The following PITPNA variants were observed in gnomAD, a reference collection of about 807,000 sequenced individuals.
PITPNA encodes the protein phosphatidylinositol transfer protein alpha isoform.
PITPNA carries 13 observed loss-of-function variants against 50.3 expected under a neutral mutation model. That is an observed-to-expected ratio of 0.26 (90% confidence interval 0.17 to 0.41). PITPNA has a LOEUF of 0.41. PITPNA is among the 10% of genes least tolerant of loss of function. The pLI is 1.00. For synonymous variants in PITPNA, 120 were observed against 119.6 expected (o/e 1.00, Z -0.02); for missense variants, 207 against 333.4 (o/e 0.62, Z 2.95).
Position 1,543,722 on chromosome 17 carries a change from C to A in PITPNA, c.290-695G>T, listed in dbSNP as rs2075659566. On this transcript the variant is annotated intron_variant, in intron 4 of 11. Transcript: ENST00000313486. ...AACTCCAGAACTGAAGTTAAGGTGA[C>A]CCCGGAGCACAAAATGAGGCAAAGT... Among the ~76,000 whole-genome samples, 2 of 152,074 alleles carry A rather than the reference C, an allele frequency of 1.3e-5. 1 individual carries two copies. Among genetic ancestry groups the A allele is most frequent in the South Asian group, 4.1e-4 (2 of 4,824 alleles).
intron 7 of PITPNA, chr17:1,535,776 C>T (rs1287394340): frequency 2.0e-6 from 1 of 497,944 alleles, no homozygotes; most frequent in East Asian, 3.7e-5. Flanking sequence ...TGAGCAGGCA[C>T]ATATTTACCG....
At chr17:1,540,652 G>A (rs2075643693) in intron 6 of PITPNA, among the ~76,000 whole-genome samples, 1 of 151,230 alleles carries the variant, frequency 6.6e-6, no homozygotes, top group East Asian at 1.9e-4. Context: ...ACAGTGGCGT[G>A]ATCTCGGCTC....
At chr17:1,535,815 G>T in intron 7 of PITPNA, 2 of 384,252 alleles carry the variant, frequency 5.2e-6, no homozygotes, top group Non-Finnish European at 9.5e-6. Flanking sequence ...TCAACCTGGG[G>T]TGAGCATCCA....
chr17:1,541,582 A>C lies in PITPNA; in HGVS notation c.356T>G (p.Leu119Arg). 6.2e-7 allele frequency: 1 copy of C among 1,613,264 alleles called. No homozygotes were observed. Among genetic ancestry groups the C allele is most frequent in the Non-Finnish European group, 8.5e-7 (1 of 1,179,224 alleles). The change falls in exon 6 of 12, where the codon CTT becomes CGT. Residue 119 changes from leucine (L) to arginine (R), a missense_variant. Transcript: ENST00000313486. ...ACTACTCACATTCTCCTGCGTGCCA[A>C]GATCTGGTTTGTGCCAGGTTTCAAT... ...IKIETWHKPDLGTQENVHKLE... is the reference protein window; with the variant it reads ...IKIETWHKPDRGTQENVHKLE...
At chr17:1,524,170 G>A (rs1306249831) in intron 10 of PITPNA, among the ~76,000 whole-genome samples, 3 of 150,162 alleles carry the variant, frequency 2.0e-5, no homozygotes, top group African/African-American at 4.9e-5. Flanking sequence ...TCAGCCTCCC[G>A]AGTAGCTGAG....
At chr17:1,554,674 C>T (rs2075726639) in intron 2 of PITPNA, among the ~76,000 whole-genome samples, 1 of 152,084 alleles carries the variant, frequency 6.6e-6, no homozygotes, top group African/African-American at 2.4e-5. Flanking sequence ...ACCTGCTCTA[C>T]CAGGCAGCTT....
intron 11 of PITPNA, 58 bp downstream of exon 11, chr17:1,521,521 T>C: frequency 7.7e-7 from 1 of 1,297,914 alleles, no homozygotes; most frequent in Non-Finnish European, 1.1e-6. Context: ...GCTGAGGCCT[T>C]GAAACCCAAA....
chr17:1,542,330 A>C (rs922973474), intron 5 of PITPNA, among the ~76,000 whole-genome samples: 2 of 152,158 alleles, frequency 1.3e-5, no homozygotes, highest in African/African-American at 4.8e-5. Flanking sequence ...AAGACTTCCT[A>C]ACCCATCGAA....
rs1055331486 is a variant in PITPNA at position 1,518,179 on chromosome 17, G to C, written c.*2382C>G. 2.6e-5 allele frequency: 4 copies of C among 152,434 alleles called. No individual in the cohort carries two copies. Among genetic ancestry groups the C allele is most frequent in the Non-Finnish European group, 5.9e-5 (4 of 68,034 alleles). 9.4% of individuals were successfully genotyped at this position (152,434 alleles called of 1,614,324 possible). On this transcript the variant is annotated 3_prime_UTR_variant, in exon 12 of 12. Transcript: ENST00000313486. Reference sequence around the variant, plus strand: ...GGGAGTCCCAGCAGGGACTGTAAAAGAACTTGGGAAGCTATACACATGCCC... The same window carrying C: ...GGGAGTCCCAGCAGGGACTGTAAAACAACTTGGGAAGCTATACACATGCCC...
At chr17:1,530,394 CATAGTTCCAGAA>C (rs2075574118) in intron 10 of PITPNA, among the ~76,000 whole-genome samples, 1 of 152,160 alleles carries the variant, frequency 6.6e-6, no homozygotes, top group South Asian at 2.1e-4. Flanking sequence ...CCTACAGGCA[CATAGTTCCAGAA>C]ATTTTTTCTT....
chr17:1,534,351 C>A, intron 9 of PITPNA, 130 bp from the exon 10 acceptor site: 1 of 1,105,488 alleles, frequency 9.0e-7, no homozygotes, highest in Non-Finnish European at 1.3e-6. Context: ...GAGTAATGCC[C>A]GGCTGGTTAT....
At position 1,554,819 on chromosome 17, in the gene PITPNA, G is replaced by A. The variant is rs183840241; in HGVS notation, c.52-1670C>T. ...ATCCCAGAACAAAATGCCATGAAAA[G>A]GGGCAGCAATCGAGGCTCAGTGAAA... is the stretch of plus-strand genomic sequence containing the variant. On this transcript the variant is annotated intron_variant, in intron 2 of 11. Transcript: ENST00000313486. Among the ~76,000 whole-genome samples the A allele has an allele frequency of 8.4e-3, 1,273 of 152,260 alleles. 5 individuals carry two copies. Among genetic ancestry groups the A allele is most frequent in the Middle Eastern group, 0.031 (9 of 294 alleles).
At chr17:1,558,943 A>G (rs1297827715) in intron 1 of PITPNA, among the ~76,000 whole-genome samples, 3 of 152,006 alleles carry the variant, frequency 2.0e-5, no homozygotes, top group Admixed American at 2.0e-4. Flanking sequence ...TGGATGATAA[A>G]CTTCACCCAA....
Position 1,518,352 on chromosome 17 carries a change from G to C in PITPNA, c.*2209C>G, listed in dbSNP as rs1264636182. On this transcript the variant is annotated 3_prime_UTR_variant, in exon 12 of 12. Transcript: ENST00000313486. ...CTGAAGGGGCATGGCACACACTCAG[G>C]TACTACCCCTGGAGCTGAACCTTTA... The C allele has an allele frequency of 6.6e-6, 1 of 152,666 alleles. No homozygotes were observed. Among genetic ancestry groups the C allele is most frequent in the African/African-American group, 2.4e-5 (1 of 41,442 alleles). 9.5% of individuals were successfully genotyped at this position (152,666 alleles called of 1,614,324 possible).
intron 7 of PITPNA, among the ~76,000 whole-genome samples, chr17:1,537,811 G>A (rs2075626832): frequency 1.3e-5 from 2 of 152,212 alleles, no homozygotes; most frequent in South Asian, 4.2e-4. Flanking sequence ...TTGTGTGTGT[G>A]TGTGTGTGAG....
chr17:1,558,537 C>T lies in PITPNA; in HGVS notation c.43G>A (p.Val15Ile). Residue 15 changes from valine (V) to isoleucine (I), a missense_variant, in exon 2 of 12, where the codon GTA (valine) becomes ATA (isoleucine). By Grantham distance (29) the Val-to-Ile change is conservative (BLOSUM62 3). Transcript: ENST00000313486. ...AAAGTAAAAGGACTTACCTCATCTA[C>T]AGACACAGGCAGGATTACTCGACTA... Reference protein sequence around the residue: ...KEYRVILPVSVDEYQVGQLYS... With the variant: ...KEYRVILPVSIDEYQVGQLYS... The T allele has an allele frequency of 6.2e-7, 1 of 1,603,894 alleles. No individual in the cohort carries two copies. The highest frequency in any genetic ancestry group is 8.5e-7 in the Non-Finnish European group (1 of 1,171,676).
intron 10 of PITPNA, among the ~76,000 whole-genome samples, chr17:1,532,406 GTC>G (rs140877225): frequency 0.15 from 22,661 of 152,036 alleles, 1,929 homozygotes; most frequent in African/African-American, 0.23. Flanking sequence ...TTTCAAAAGG[GTC>G]TGAGAGATTA....
chr17:1,561,993 G>T (rs998140893), intron 1 of PITPNA, among the ~76,000 whole-genome samples: 1 of 151,900 alleles, frequency 6.6e-6, no homozygotes, highest in Non-Finnish European at 1.5e-5. Flanking sequence ...GCCTCTCAGC[G>T]CCGCCTGCAG....
At position 1,562,131 on chromosome 17, in the gene PITPNA, C is replaced by T. The variant is rs566711795; in HGVS notation, c.20+410G>A. ...GCCCTGACCCCGTCTCGGGCCTGGC[C>T]TCGCCCTCGCTGTCCCCGGCCTCTC... On this transcript the variant is annotated intron_variant, in intron 1 of 11. Transcript: ENST00000313486. This position sits in a 1 kb window ranked among gnomAD's most constrained non-coding sequence, Gnocchi z 6.4. 1.4e-3 allele frequency among the ~76,000 whole-genome samples: 215 copies of T among 152,272 alleles called. 1 individual carries two copies. Among genetic ancestry groups the T allele is most frequent in the African/African-American group, 5.0e-3 (209 of 41,570 alleles).
Sources: gnomAD v4.1 joint callset for allele counts (sites outside exome capture counted in the v4.1 genomes callset) on GRCh38, gnomAD v4.1.1 for gene constraint, Gnocchi (gnomAD v3.1) non-coding constraint, MANE v1.5 for transcripts, NCBI Gene and HGNC (gene_info 2026-07-23, HGNC 2026-07-21) for gene names.